Variants in PTOV1 observed in about 807,000 individuals in gnomAD.
PTOV1 encodes the protein PTOV1 extended AT-hook containing adaptor protein.
PTOV1 carries 20 observed loss-of-function variants against 58.0 expected under a neutral mutation model. That is an observed-to-expected ratio of 0.34 (90% CI 0.24 to 0.50). PTOV1 has a LOEUF of 0.50. Among genes scored for constraint, PTOV1 ranks in the 20% least tolerant of loss-of-function variants. The pLI, the probability that PTOV1 is intolerant of heterozygous loss-of-function variation, is 0.98. For synonymous variants in PTOV1, 335 were observed against 234.2 expected, an observed-to-expected ratio of 1.43 and a Z score of -3.93; for missense variants, 593 against 565.4, an observed-to-expected ratio of 1.05 and a Z score of -0.50.
exon 8 of PTOV1, chr19:49,857,945 A>T: frequency 6.2e-7 from 1 of 1,613,860 alleles, no homozygotes; most frequent in Non-Finnish European, 8.5e-7. Context: ...GGTGGCTGCC[A>T]TCCCACGTCT....
intron 1 of PTOV1, chr19:49,852,656 C>T (rs543834758): frequency 3.3e-5 from 5 of 152,202 alleles, no homozygotes; most frequent in Non-Finnish European, 7.3e-5. Flanking sequence ...GTGTTCTTTA[C>T]TATGGCTCCA....
At chr19:49,855,017 C>G in exon 5 of PTOV1, 1 of 1,602,274 alleles carries the variant, frequency 6.2e-7, no homozygotes, top group Non-Finnish European at 8.5e-7. Context: ...CACAGTTCCA[C>G]TTCACCAACA....
At chr19:49,860,311 C>G in exon 12 of PTOV1, 2 of 1,609,450 alleles carry the variant, frequency 1.2e-6, no homozygotes, top group Non-Finnish European at 1.7e-6. Context: ...CTCCAGGAGT[C>G]ACAGATGAGG....
intron 5 of PTOV1, 122 bp downstream of exon 5, chr19:49,855,199 G>A (rs964718871): frequency 1.1e-5 from 10 of 921,718 alleles, no homozygotes; most frequent in African/African-American, 1.6e-5. Context: ...AGCCCTCGTG[G>A]CCTCTCGGAC....
chr19:49,851,638 G>A (rs2074252115), intron 1 of PTOV1, 139 bp downstream of exon 1: 10 of 1,095,370 alleles, frequency 9.1e-6, no homozygotes, highest in Non-Finnish European at 1.1e-5. Flanking sequence ...CCCGGGGCCG[G>A]GTTCCCCCGT....
chr19:49,850,895 C>T (rs2074212735), upstream of PTOV1: 1 of 1,535,842 alleles, frequency 6.5e-7, no homozygotes, highest in Non-Finnish European at 8.7e-7. Context: ...GGTCTCCCGC[C>T]GTCCCGACCC....
intron 1 of PTOV1, chr19:49,851,948 CT>C (rs1173187472): frequency 3.1e-6 from 3 of 974,418 alleles, no homozygotes; most frequent in Non-Finnish European, 2.4e-6. Context: ...GCGTTCTCCC[CT>C]GGCGGCCGCT....
At chr19:49,860,538 G>C in exon 12 of PTOV1, 1 of 604,778 alleles carries the variant, frequency 1.7e-6, no homozygotes, top group Non-Finnish European at 2.9e-6. Context: ...GTGGGGCCAG[G>C]CCTCTGCTCA....
chr19:49,851,538 C>T, intron 1 of PTOV1, 39 bp downstream of exon 1: 1 of 1,083,840 alleles, frequency 9.2e-7, no homozygotes, highest in Non-Finnish European at 1.1e-6. Flanking sequence ...TTCCACGGCC[C>T]CGCCCCCCCA....
At chr19:49,856,805 G>C in intron 5 of PTOV1, 170 bp from the exon 6 acceptor site, 2 of 761,452 alleles carry the variant, frequency 2.6e-6, no homozygotes, top group Non-Finnish European at 4.1e-6. Context: ...ATGCCGATGG[G>C]CGCTGCACGG....
exon 5 of PTOV1, chr19:49,854,990 C>T (rs148721391): frequency 1.9e-6 from 3 of 1,596,968 alleles, no homozygotes; most frequent in Non-Finnish European, 2.6e-6. Flanking sequence ...GCCCCCTGTT[C>T]CGGAACTCCC....
intron 9 of PTOV1, 53 bp downstream of exon 9, chr19:49,858,167 G>C (rs1388464422): frequency 1.9e-6 from 3 of 1,589,102 alleles, no homozygotes; most frequent in Non-Finnish European, 2.6e-6. Context: ...TCTTCCAGAG[G>C]GCGGGGCTGG....
At chr19:49,853,681 G>A (rs1372112206) in intron 1 of PTOV1, among the ~76,000 whole-genome samples, 2 of 152,102 alleles carry the variant, frequency 1.3e-5, no homozygotes, top group African/African-American at 4.8e-5. Context: ...GCGTTGCTTG[G>A]CTTTATTGCT....
At chr19:49,857,545 G>A (rs2074530478) in intron 6 of PTOV1, 148 bp from the exon 7 acceptor site, 2 of 750,404 alleles carry the variant, frequency 2.7e-6, no homozygotes, top group Admixed American at 2.2e-5. Flanking sequence ...GCAGATGAGG[G>A]GCAGGGCCTG....
chr19:49,853,766 A>G (rs751219273), intron 1 of PTOV1, among the ~76,000 whole-genome samples: 50 of 152,028 alleles, frequency 3.3e-4, no homozygotes, highest in Non-Finnish European at 5.4e-4. Flanking sequence ...CTGTCTTCCA[A>G]ATGTTTCCCC....
chr19:49,854,554 G>T lies in PTOV1; in HGVS notation c.309+11G>T. ...CTCGAGTGGCAGGAGGTGAGTCTCTGTGGGGCTGCGGCTGGCCTCCAGGGT... is the reference window on the plus strand; with the variant it reads ...CTCGAGTGGCAGGAGGTGAGTCTCTTTGGGGCTGCGGCTGGCCTCCAGGGT... On this transcript the variant is annotated intron_variant, in intron 2 of 11. Coordinates refer to ENST00000391842, the Ensembl canonical transcript of PTOV1. 1 of 1,612,674 alleles carries T rather than the reference G, an allele frequency of 6.2e-7. No homozygotes were observed. Among genetic ancestry groups the T allele is most frequent in the East Asian group, 2.2e-5 (1 of 44,874 alleles).
chr19:49,857,905 C>T (rs1280972566), exon 8 of PTOV1: 1 of 1,613,716 alleles, frequency 6.2e-7, no homozygotes, highest in Non-Finnish European at 8.5e-7. Context: ...CCCCAAAAGC[C>T]CAGGCCTGAG....
intron 5 of PTOV1, chr19:49,856,269 G>C (rs937299518): frequency 1.3e-5 from 2 of 152,282 alleles, no homozygotes; most frequent in African/African-American, 4.8e-5. Context: ...GAGGCTGACT[G>C]TGCATGGCTC....
intron 5 of PTOV1, among the ~76,000 whole-genome samples, chr19:49,855,827 C>T (rs2074437896): frequency 6.6e-6 from 1 of 151,946 alleles, no homozygotes; most frequent in African/African-American, 2.4e-5. Context: ...GACTTTAGTA[C>T]CTAGTGAGTG....
Sources: allele counts gnomAD v4.1 joint callset (sites outside exome capture counted in the v4.1 genomes callset), GRCh38; gene constraint gnomAD v4.1.1; transcripts MANE v1.5; gene names NCBI Gene and HGNC (gene_info 2026-07-23, HGNC 2026-07-21).